Variants in CDC42BPA observed in about 807,000 individuals in gnomAD.
The protein encoded by CDC42BPA is serine/threonine-protein kinase MRCK alpha.
CDC42BPA carries 80 observed loss-of-function variants against 223.5 expected under a neutral mutation model. The ratio of observed to expected loss-of-function variants is 0.36; its 90% CI spans 0.30 to 0.43. The LOEUF is 0.43. CDC42BPA is among the 20% of genes least tolerant of loss of function. CDC42BPA has a pLI of 1.00. For synonymous variants in CDC42BPA, 694 were observed against 718.6 expected, an observed-to-expected ratio of 0.97 and a Z score of 0.55; for missense variants, 1,743 against 2,099.9, an observed-to-expected ratio of 0.83 and a Z score of 3.32.
At chr1:227,268,643 A>ATAGT (rs1553426703) in intron 1 of CDC42BPA, among the ~76,000 whole-genome samples, 63 of 143,974 alleles carry the variant, frequency 4.4e-4, no homozygotes, top group East Asian at 2.0e-3. Flanking sequence ...GTATATATAT[A>ATAGT]GTGTGTGTGT....
chr1:227,046,999 C>T (rs537138248), intron 23 of CDC42BPA, among the ~76,000 whole-genome samples: 4 of 152,034 alleles, frequency 2.6e-5, no homozygotes, highest in Admixed American at 2.6e-4. Flanking sequence ...CAATATTTTT[C>T]CTTTTATTTA....
chr1:227,154,446 G>A (rs1662354424), intron 6 of CDC42BPA, among the ~76,000 whole-genome samples: 2 of 151,736 alleles, frequency 1.3e-5, no homozygotes, highest in Non-Finnish European at 1.5e-5. Context: ...CATAATTTAC[G>A]GATTACATGA....
chr1:227,288,267 TGGGA>T (rs1337104879), intron 1 of CDC42BPA, among the ~76,000 whole-genome samples: 1 of 152,120 alleles, frequency 6.6e-6, no homozygotes, highest in African/African-American at 2.4e-5. Context: ...CAGAAGTGAA[TGGGA>T]GGCAGAGGTG....
chr1:227,234,811 T>G (rs1037219352), intron 2 of CDC42BPA: 3 of 152,230 alleles, frequency 2.0e-5, no homozygotes, highest in Non-Finnish European at 4.4e-5. Context: ...ACAGCAGGCT[T>G]GCCCAACCCG....
chr1:227,074,175 ATAAG>A, intron 18 of CDC42BPA, 80 bp downstream of exon 18: 1 of 1,323,416 alleles, frequency 7.6e-7, no homozygotes. Context: ...ACAAACTGAT[ATAAG>A]TAATTGGATT....
intron 15 of CDC42BPA, among the ~76,000 whole-genome samples, chr1:227,100,711 ATAGGTG>A (rs1449473536): frequency 7.1e-6 from 1 of 140,674 alleles, no homozygotes; most frequent in African/African-American, 2.6e-5. Context: ...AGCTCAGATT[ATAGGTG>A]TGTGTGTGTG....
In CDC42BPA at chr1:226,991,020, A is replaced by G. The variant is rs925548865; in HGVS notation, c.*3248T>C. 1.3e-5 allele frequency: 2 copies of G among 152,626 alleles called. No homozygotes were observed. Among genetic ancestry groups the G allele is most frequent in the African/African-American group, 4.8e-5 (2 of 41,434 alleles). 9.5% of individuals were successfully genotyped at this position (152,626 alleles called of 1,614,324 possible). On this transcript the variant is annotated 3_prime_UTR_variant, in exon 37 of 37. Coordinates refer to ENST00000366766, the MANE Select transcript of CDC42BPA (RefSeq NM_001394014.1). ...GGGGATGTGTATAAATACATACATAATAACAAAAAATGTAAGATCTACTTT... is the reference window on the plus strand; with the variant it reads ...GGGGATGTGTATAAATACATACATAGTAACAAAAAATGTAAGATCTACTTT...
At chr1:227,243,848 A>C (rs1680434374) in intron 2 of CDC42BPA, among the ~76,000 whole-genome samples, 1 of 151,926 alleles carries the variant, frequency 6.6e-6, no homozygotes, top group African/African-American at 2.4e-5. Context: ...TAAGTCAGAC[A>C]ACTCACCCAT....
chr1:227,043,172 T>A (rs1164497179), intron 23 of CDC42BPA, among the ~76,000 whole-genome samples: 4 of 152,158 alleles, frequency 2.6e-5, no homozygotes, highest in Non-Finnish European at 5.9e-5. Context: ...CCAAGCACTT[T>A]GGGAGGCCAA....
intron 1 of CDC42BPA, among the ~76,000 whole-genome samples, chr1:227,261,124 C>CTTTTTTTTTTTTTTTTTTTTTTTT (rs386369874): frequency 3.3e-5 from 4 of 121,002 alleles, no homozygotes; most frequent in Non-Finnish European, 5.0e-5. Context: ...TTGAGTTTTT[C>CTTTTTTTTTTTTTTTTTTTTTTTT]TTTTTTTTTG....
chr1:227,280,617 A>T (rs891195812), intron 1 of CDC42BPA, among the ~76,000 whole-genome samples: 7 of 152,240 alleles, frequency 4.6e-5, no homozygotes, highest in Admixed American at 4.6e-4. Context: ...CCAAGGATAC[A>T]GATACCACAG....
chr1:227,018,722 A>G (rs1367189090), intron 32 of CDC42BPA, among the ~76,000 whole-genome samples: 2 of 152,222 alleles, frequency 1.3e-5, no homozygotes, highest in Non-Finnish European at 2.9e-5. Context: ...AATAAAACAA[A>G]TATCAAAATA....
chr1:227,060,514 A>G (rs567649573), intron 21 of CDC42BPA, among the ~76,000 whole-genome samples: 2 of 152,202 alleles, frequency 1.3e-5, no homozygotes, highest in South Asian at 4.2e-4. Context: ...AAATGCTATC[A>G]CTGAGATATG....
At chr1:227,285,473 G>A (rs1452663227) in intron 1 of CDC42BPA, among the ~76,000 whole-genome samples, 3 of 152,122 alleles carry the variant, frequency 2.0e-5, no homozygotes, top group Non-Finnish European at 4.4e-5. Context: ...CTATCCATAT[G>A]CCCCTGAAAT....
intron 21 of CDC42BPA, among the ~76,000 whole-genome samples, chr1:227,057,452 G>A (rs1165820881): frequency 6.6e-6 from 1 of 152,114 alleles, no homozygotes; most frequent in African/African-American, 2.4e-5. Context: ...TGTTACAACA[G>A]AGGCCATTGT....
At chr1:227,017,867 T>G (rs1666597701) in intron 32 of CDC42BPA, among the ~76,000 whole-genome samples, 1 of 151,834 alleles carries the variant, frequency 6.6e-6, no homozygotes, top group Non-Finnish European at 1.5e-5. Context: ...GTTTAGAAAT[T>G]TTCAACACCC....
At position 227,142,404 on chromosome 1, in the gene CDC42BPA, T is replaced by C. The variant is rs149964732; in HGVS notation, c.1223+541A>G. The stretch of plus-strand genomic sequence containing the variant: ...TGAAACTCTTCTAATTACTGCTTCA[T>C]TGGTAAGGATTAGATTCTGAGCTCT... On this transcript the variant is annotated intron_variant, in intron 9 of 36. Coordinates refer to ENST00000366766, the MANE Select transcript of CDC42BPA (RefSeq NM_001394014.1). Among the ~76,000 whole-genome samples the C allele has an allele frequency of 2.4e-3, 372 of 152,326 alleles. 2 individuals are homozygous for C. Among genetic ancestry groups the C allele is most frequent in the African/African-American group, 8.3e-3 (344 of 41,562 alleles).
chr1:227,114,270 A>G (rs933913642), intron 12 of CDC42BPA, among the ~76,000 whole-genome samples: 1 of 152,172 alleles, frequency 6.6e-6, no homozygotes, highest in East Asian at 1.9e-4. Flanking sequence ...TAGACTAAGA[A>G]CAGACACTGA....
At chr1:227,197,714 G>A (rs567962452) in intron 4 of CDC42BPA, among the ~76,000 whole-genome samples, 7 of 152,072 alleles carry the variant, frequency 4.6e-5, no homozygotes, top group African/African-American at 1.7e-4. Flanking sequence ...CAAATCTGCA[G>A]TGTTAAATTT....
Sources: gnomAD v4.1 joint callset for allele counts (sites outside exome capture counted in the v4.1 genomes callset) on GRCh38, gnomAD v4.1.1 for gene constraint, MANE v1.5 for transcripts, NCBI Gene and HGNC (gene_info 2026-07-23, HGNC 2026-07-21) for gene names.